Variants in LEPR observed in about 807,000 individuals in gnomAD.
LEPR encodes leptin receptor.
Under a neutral mutation model 114.7 loss-of-function variants are expected in LEPR, and 56 were observed. The observed-to-expected ratio is 0.49, with a 90% CI of 0.39 to 0.61. LEPR has a LOEUF of 0.61. LEPR is among the 20% of genes least tolerant of loss of function. The pLI is 0.00. For missense variants in LEPR, 1,202 were observed against 1,352.9 expected (o/e 0.89, Z 1.75); for synonymous variants, 443 against 461.4 (o/e 0.96, Z 0.51).
chr1:65,434,059 A>G (rs575019647), intron 2 of LEPR: 1 of 985,376 alleles, frequency 1.0e-6, no homozygotes, highest in East Asian at 1.1e-4. Context: ...ATTTTCAATA[A>G]CCAAGGTAGC....
At chr1:65,600,452 T>C (rs1479003163) in intron 8 of LEPR, among the ~76,000 whole-genome samples, 1 of 152,180 alleles carries the variant, frequency 6.6e-6, no homozygotes, top group Non-Finnish European at 1.5e-5. Flanking sequence ...TAAAGAAAAC[T>C]TAATAAAAAC....
chr1:65,584,034 T>C (rs1036678744), intron 5 of LEPR, among the ~76,000 whole-genome samples: 3 of 152,178 alleles, frequency 2.0e-5, no homozygotes, highest in African/African-American at 2.4e-5. Flanking sequence ...GTGCAGCCCA[T>C]AGTGCTAGGC....
intron 2 of LEPR, chr1:65,494,114 A>G (rs1648023763): frequency 6.6e-6 from 1 of 152,178 alleles, no homozygotes; most frequent in African/African-American, 2.4e-5. Flanking sequence ...AGCCAGGAAC[A>G]CATAATTGAA....
intron 19 of LEPR, chr1:65,634,001 A>T: frequency 3.0e-6 from 3 of 985,230 alleles, no homozygotes; most frequent in South Asian, 4.7e-5. Context: ...ACCATCCAAG[A>T]CCTCTGGCAG....
At chr1:65,588,294 C>G (rs1570759859) in intron 5 of LEPR, among the ~76,000 whole-genome samples, 1 of 149,048 alleles carries the variant, frequency 6.7e-6, no homozygotes, top group South Asian at 2.1e-4. Context: ...CCCTACCCAG[C>G]TAATTATAAT....
At chr1:65,624,601 T>C (rs1260788913) in intron 19 of LEPR, among the ~76,000 whole-genome samples, 2 of 152,186 alleles carry the variant, frequency 1.3e-5, no homozygotes, top group Non-Finnish European at 1.5e-5. Flanking sequence ...TAGTACACCA[T>C]AGATACAGAT....
chr1:65,504,936 C>T (rs115075620), intron 2 of LEPR, among the ~76,000 whole-genome samples: 12 of 152,034 alleles, frequency 7.9e-5, no homozygotes, highest in Admixed American at 7.9e-4. Flanking sequence ...AAATCTCATT[C>T]CAAGTTTTAC....
chr1:65,433,910 G>A lies in LEPR; in HGVS notation c.-21+8532G>A, dbSNP rs115955532. On this transcript the variant is annotated intron_variant, in intron 2 of 19. Coordinates refer to ENST00000349533, the MANE Select transcript of LEPR (RefSeq NM_002303.6). ...AATGGGCAGTTTTGAGCAATAATCTGTCCTAACAGAACAGTAGCAATAAGT... is the reference window on the plus strand; with the variant it reads ...AATGGGCAGTTTTGAGCAATAATCTATCCTAACAGAACAGTAGCAATAAGT... 1.1e-3 allele frequency: 1,099 copies of A among 985,120 alleles called. 11 individuals are homozygous for A. In the African/African-American group the frequency reaches 0.018, roughly 16 times the overall value. 61.0% of individuals were successfully genotyped at this position (985,120 alleles called of 1,614,324 possible). A position where few individuals can be genotyped will look rare whatever the true frequency, so the allele number is the denominator to read the frequency against.
At chr1:65,489,913 C>G (rs1647775583) in intron 2 of LEPR, among the ~76,000 whole-genome samples, 1 of 151,936 alleles carries the variant, frequency 6.6e-6, no homozygotes. Flanking sequence ...TTTTTTCATA[C>G]CCCAAATGCC....
chr1:65,481,991 T>C (rs1647255931), intron 2 of LEPR, among the ~76,000 whole-genome samples: 1 of 151,976 alleles, frequency 6.6e-6, no homozygotes, highest in African/African-American at 2.4e-5. Flanking sequence ...CTAAAATTGA[T>C]TAAAAAGTTT....
intron 2 of LEPR, among the ~76,000 whole-genome samples, chr1:65,536,497 G>C (rs913035513): frequency 6.6e-6 from 1 of 151,910 alleles, no homozygotes; most frequent in Admixed American, 6.6e-5. Context: ...CATCATTTTT[G>C]TATCAGTAAA....
In LEPR at chr1:65,592,521, G is replaced by GT. The variant is rs35783270; in HGVS notation, c.495-125dup. 287,543 of 695,938 alleles carry GT rather than the reference G, an allele frequency of 0.41. 34,830 individuals are homozygous for GT. The highest frequency in any genetic ancestry group is 0.63 in the East Asian group (18,648 of 29,590). The allele number at this position is 695,938 out of a possible 1,614,324, so 43.1% of individuals were successfully genotyped here. On this transcript the variant is annotated intron_variant, in intron 5 of 19. Coordinates refer to ENST00000349533, the MANE Select transcript of LEPR (RefSeq NM_002303.6). ...TTTATCTTTGTTTTTCTAATGTAGG[G>GT]TTTTTTTTTTTCAGATACCCTTTAA...
At position 65,603,454 on chromosome 1, in the gene LEPR, GCTT is replaced by G. The variant is rs1656591376; in HGVS notation, c.1403+1500_1403+1502del. Among the ~76,000 whole-genome samples, 9 of 152,206 alleles carry G rather than the reference GCTT, an allele frequency of 5.9e-5. No individual in the cohort carries two copies. In the South Asian group the frequency reaches 1.9e-3, roughly 32 times the overall value. On this transcript the variant is annotated intron_variant, in intron 10 of 19. Coordinates refer to ENST00000349533, the MANE Select transcript of LEPR (RefSeq NM_002303.6). ...ATGACAGAAGAATATAGATTTTTTA[GCTT>G]CTTCTAACTTCCTCACTCCCATCTC...
intron 19 of LEPR, chr1:65,629,268 C>G (rs756873666): frequency 1.1e-5 from 4 of 373,688 alleles, no homozygotes; most frequent in Admixed American, 3.6e-5. Context: ...AGCACTCTTA[C>G]GCTTCCCTCC....
At chr1:65,514,389 T>C (rs1649180766) in intron 2 of LEPR, among the ~76,000 whole-genome samples, 1 of 152,266 alleles carries the variant, frequency 6.6e-6, no homozygotes, top group African/African-American at 2.4e-5. Flanking sequence ...TGAATGGTTC[T>C]AGTTCCCAGG....
intron 2 of LEPR, among the ~76,000 whole-genome samples, chr1:65,501,297 A>G (rs1648436466): frequency 6.6e-6 from 1 of 151,198 alleles, no homozygotes. Flanking sequence ...TGAAGCCTTT[A>G]GGGGAGAATA....
chr1:65,472,814 G>T lies in LEPR; in HGVS notation c.-21+47436G>T, dbSNP rs140018419. Among the ~76,000 whole-genome samples the T allele has an allele frequency of 4.9e-3, 746 of 152,250 alleles. 7 individuals are homozygous for T. The highest frequency in any genetic ancestry group is 0.017 in the African/African-American group (719 of 41,522). The stretch of plus-strand genomic sequence containing the variant: ...TTGCTCAATGGGGAATGGATAAGAT[G>T]AGGATGTCCCACTGCTGGTTGGTTA... On this transcript the variant is annotated intron_variant, in intron 2 of 19. Transcript: ENST00000349533.
chr1:65,607,396 G>C (rs1206672238), intron 11 of LEPR, among the ~76,000 whole-genome samples: 3 of 152,142 alleles, frequency 2.0e-5, no homozygotes, highest in African/African-American at 7.2e-5. Context: ...GGCCTCTGCT[G>C]TACCAGGCAT....
chr1:65,640,751 A>G lies in LEPR; in HGVS notation c.*3736A>G, dbSNP rs527664126. Reference sequence around the variant, plus strand: ...CATGTATTTGTATAAACATTAGGAGATGATTTCCATGGCTTTTTTTTTTTT... The same window carrying G: ...CATGTATTTGTATAAACATTAGGAGGTGATTTCCATGGCTTTTTTTTTTTT... On this transcript the variant is annotated 3_prime_UTR_variant, in exon 20 of 20. Transcript: ENST00000349533. The G allele has an allele frequency of 1.4e-5, 2 of 145,870 alleles. No individual in the cohort carries two copies. The highest frequency in any genetic ancestry group is 5.0e-5 in the African/African-American group (2 of 39,966). The allele number at this position is 145,870 out of a possible 1,614,324, so 9.0% of individuals were successfully genotyped here. A position where few individuals can be genotyped will look rare whatever the true frequency, so the allele number is the denominator to read the frequency against.
Sources: gnomAD v4.1 joint callset for allele counts (sites outside exome capture counted in the v4.1 genomes callset) on GRCh38, gnomAD v4.1.1 for gene constraint, MANE v1.5 for transcripts, NCBI Gene and HGNC (gene_info 2026-07-23, HGNC 2026-07-21) for gene names.